DNAI3: variants seen among roughly 807,000 people sequenced by gnomAD.
DNAI3 encodes WD repeat domain 63.
A neutral mutation model predicts 115.5 loss-of-function variants in DNAI3; 83 were observed. The observed-to-expected ratio is 0.72, with a 90% confidence interval of 0.60 to 0.86. The LOEUF is 0.86. Among genes scored for constraint, DNAI3 ranks in the 40% least tolerant of loss-of-function variants. The pLI is 0.00. For synonymous variants in DNAI3, 320 were observed against 347.0 expected (o/e 0.92, Z 0.86); for missense variants, 1,004 against 1,075.8 (o/e 0.93, Z 0.93).
chr1:85,079,137 G>C (rs901585694), intron 3 of DNAI3, among the ~76,000 whole-genome samples: 1 of 152,196 alleles, frequency 6.6e-6, no homozygotes, highest in African/African-American at 2.4e-5. Flanking sequence ...CAAAACTACA[G>C]AACTTTTGTT....
chr1:85,096,841 A>G (rs1197168532), intron 11 of DNAI3, among the ~76,000 whole-genome samples: 1 of 152,124 alleles, frequency 6.6e-6, no homozygotes, highest in Non-Finnish European at 1.5e-5. Context: ...TTGTTCAACA[A>G]TAACTGAGGG....
At chr1:85,104,738 G>A in intron 14 of DNAI3, 141 bp downstream of exon 14, 2 of 706,768 alleles carry the variant, frequency 2.8e-6, no homozygotes, top group Middle Eastern at 5.4e-4. Context: ...GAATGTTATG[G>A]ATTGTTGCTA....
intron 3 of DNAI3, among the ~76,000 whole-genome samples, chr1:85,076,606 G>A (rs115455099): frequency 0.025 from 3,810 of 152,284 alleles, 58 homozygotes; most frequent in Middle Eastern, 0.034. Context: ...TTACACGGCA[G>A]CAGGCAAGAG....
Position 85,093,796 on chromosome 1 carries a change from G to A in DNAI3, c.1048+148G>A, listed in dbSNP as rs759080994. 53 of 895,468 alleles carry A rather than the reference G, an allele frequency of 5.9e-5. 1 individual carries two copies. Among genetic ancestry groups the A allele is most frequent in the Non-Finnish European group, 8.4e-5 (47 of 558,324 alleles). The allele number at this position is 895,468 out of a possible 1,614,324, so 55.5% of individuals were successfully genotyped here. ...TAGGTACCTGCCATGTGCTTTCCAC[G>A]CCCTCACTGTCATGTGTCCTCCCAA... On this transcript the variant is annotated intron_variant, in intron 9 of 22. Coordinates refer to ENST00000294664, the MANE Select transcript of DNAI3 (RefSeq NM_145172.5).
intron 19 of DNAI3, among the ~76,000 whole-genome samples, chr1:85,125,190 G>A (rs1656096332): frequency 6.6e-6 from 1 of 152,030 alleles, no homozygotes; most frequent in Non-Finnish European, 1.5e-5. Context: ...TCTCTTTGAT[G>A]AGCAATTTGA....
Position 85,071,965 on chromosome 1 carries a change from G to T in DNAI3, c.24G>T (p.Lys8Asn). Residue 8 changes from lysine to asparagine, a missense_variant, in exon 2 of 23, where the codon AAG becomes AAT. Physicochemically the swap from Lys to Asn is moderately conservative, Grantham distance 94 (BLOSUM62 0). Coordinates refer to ENST00000294664, the MANE Select transcript of DNAI3 (RefSeq NM_145172.5). The part of the protein sequence containing the change: MAPKQKK[K>N]TSRGKKRLKP... ...CCATGGCTCCAAAACAAAAGAAAAA[G>T]ACATCACGTGGCAAAAAAAGACTAA... 1.9e-6 allele frequency: 3 copies of T among 1,612,112 alleles called. No homozygotes were observed. Among genetic ancestry groups the T allele is most frequent in the Non-Finnish European group, 2.5e-6 (3 of 1,179,610 alleles).
intron 20 of DNAI3, among the ~76,000 whole-genome samples, chr1:85,128,420 A>G (rs1245403169): frequency 6.6e-6 from 1 of 152,226 alleles, no homozygotes; most frequent in Admixed American, 6.5e-5. Flanking sequence ...GAGAGAGTCA[A>G]CTTCAGCCAG....
intron 8 of DNAI3, among the ~76,000 whole-genome samples, chr1:85,093,144 G>A (rs1655028796): frequency 6.6e-6 from 1 of 152,206 alleles, no homozygotes; most frequent in Non-Finnish European, 1.5e-5. Flanking sequence ...TGGGAGTGCT[G>A]CACAAGGAGG....
At chr1:85,105,379 T>C (rs1052884679) in intron 14 of DNAI3, among the ~76,000 whole-genome samples, 5 of 152,070 alleles carry the variant, frequency 3.3e-5, no homozygotes, top group Non-Finnish European at 7.4e-5. Flanking sequence ...ATGTATTGGA[T>C]ATTTATGCCA....
At chr1:85,112,796 G>C (rs1655696891) in intron 16 of DNAI3, among the ~76,000 whole-genome samples, 1 of 152,178 alleles carries the variant, frequency 6.6e-6, no homozygotes, top group Non-Finnish European at 1.5e-5. Context: ...TTGAGACAGA[G>C]TCTCGCTCTG....
chr1:85,129,347 A>T (rs1177948727), intron 21 of DNAI3, among the ~76,000 whole-genome samples: 1 of 152,214 alleles, frequency 6.6e-6, no homozygotes, highest in Non-Finnish European at 1.5e-5. Context: ...AAACATATAG[A>T]TTGCAGTCTG....
intron 8 of DNAI3, among the ~76,000 whole-genome samples, chr1:85,091,287 TA>T (rs548695315): frequency 2.6e-5 from 4 of 152,292 alleles, no homozygotes; most frequent in East Asian, 3.9e-4. Flanking sequence ...CTTGAGGGAA[TA>T]AAAAAATGTT....
chr1:85,074,157 T>TAAC (rs1654376224), intron 3 of DNAI3, among the ~76,000 whole-genome samples: 1 of 152,174 alleles, frequency 6.6e-6, no homozygotes, highest in South Asian at 2.1e-4. Flanking sequence ...CCCATCTGCT[T>TAAC]CATATTATCT....
At chr1:85,065,311 T>C (rs1654062090) in intron 1 of DNAI3, among the ~76,000 whole-genome samples, 1 of 152,066 alleles carries the variant, frequency 6.6e-6, no homozygotes, top group South Asian at 2.1e-4. Context: ...TCAACCTAGA[T>C]AGCAAGCAGA....
intron 3 of DNAI3, among the ~76,000 whole-genome samples, chr1:85,074,580 A>T (rs1022608913): frequency 1.3e-5 from 2 of 152,128 alleles, no homozygotes; most frequent in African/African-American, 4.8e-5. Context: ...TCCTCAAGAG[A>T]CTTTCCTTGA....
At chr1:85,072,954 C>CAAAAAA (rs35956778) in intron 2 of DNAI3, 100 bp from the exon 3 acceptor site, 19 of 408,262 alleles carry the variant, frequency 4.7e-5, no homozygotes, top group Admixed American at 8.0e-5. Context: ...GACTCCGTCT[C>CAAAAAA]AAAAAAAAAA....
chr1:85,082,464 G>T, intron 5 of DNAI3, 60 bp downstream of exon 5: 1 of 1,353,114 alleles, frequency 7.4e-7, no homozygotes, highest in South Asian at 1.2e-5. Flanking sequence ...GGTTGTTTTT[G>T]AGATAGGCTC....
At chr1:85,117,611 C>A (rs1655870473) in intron 16 of DNAI3, 118 bp from the exon 17 acceptor site, 3 of 1,381,140 alleles carry the variant, frequency 2.2e-6, no homozygotes, top group Admixed American at 4.0e-5. Context: ...ATGCTCACTA[C>A]ATTGGGAAGG....
chr1:85,130,247 G>A (rs758445156), intron 22 of DNAI3, 135 bp downstream of exon 22: 550 of 1,291,580 alleles, frequency 4.3e-4, no homozygotes, highest in South Asian at 4.9e-4. Flanking sequence ...AGAGTCAAGA[G>A]GGCATTCCTT....
Sources: allele counts gnomAD v4.1 joint callset (sites outside exome capture counted in the v4.1 genomes callset), GRCh38; gene constraint gnomAD v4.1.1; transcripts MANE v1.5; gene names NCBI Gene and HGNC (gene_info 2026-07-23, HGNC 2026-07-21).